The following MAF variants were observed in gnomAD, a reference collection of about 807,000 sequenced individuals.
MAF encodes MAF bZIP transcription factor.
MAF carries 10 observed loss-of-function variants against 22.0 expected under a neutral mutation model. The ratio of observed to expected loss-of-function variants is 0.45; its 90% CI spans 0.28 to 0.77. MAF has a LOEUF of 0.77. Among genes scored for constraint, MAF ranks in the 30% least tolerant of loss-of-function variants. The probability of loss-of-function intolerance (pLI) is 0.12; values close to 1 mark genes in which losing one functional copy is unlikely to be tolerated. For missense variants in MAF, 544 were observed against 548.4 expected (o/e 0.99, Z 0.08); for synonymous variants, 337 against 255.8 (o/e 1.32, Z -3.03).
chr16:79,206,402 A>G, the MAF span: 7 of 152,352 alleles, frequency 4.6e-5, no homozygotes, highest in East Asian at 3.9e-4. Context: ...AATTATCTGT[A>G]TGGCTTTGGA....
the MAF span, among the ~76,000 whole-genome samples, chr16:79,252,555 T>A: frequency 6.6e-6 from 1 of 152,008 alleles, no homozygotes; most frequent in African/African-American, 2.4e-5. Flanking sequence ...AGTAGCGCCA[T>A]CTCAGCTCAC....
the MAF span, among the ~76,000 whole-genome samples, chr16:79,397,823 C>T: frequency 6.6e-6 from 1 of 152,216 alleles, no homozygotes; most frequent in Admixed American, 6.5e-5. Context: ...TTAGAAGAAC[C>T]TGAGGCACCT....
chr16:79,449,057 G>A, the MAF span, among the ~76,000 whole-genome samples: 1 of 152,170 alleles, frequency 6.6e-6, no homozygotes, highest in African/African-American at 2.4e-5. Context: ...TGGGGGTGAT[G>A]GGAGACAGTG....
the MAF span, among the ~76,000 whole-genome samples, chr16:79,284,280 C>G: frequency 4.1e-4 from 63 of 152,310 alleles, 2 homozygotes; most frequent in East Asian, 1.5e-3. Context: ...GCACTTCCTT[C>G]TTTCTGCCAT....
the MAF span, among the ~76,000 whole-genome samples, chr16:79,492,445 A>G: frequency 1.1e-3 from 169 of 151,640 alleles, 1 homozygote; most frequent in Non-Finnish European, 2.1e-3. Context: ...GGCTCAGCTC[A>G]CCCTTACCCC....
the MAF span, among the ~76,000 whole-genome samples, chr16:79,327,929 A>G: frequency 1.6e-4 from 24 of 152,214 alleles, no homozygotes; most frequent in African/African-American, 5.1e-4. Context: ...GCTAGGTGCC[A>G]ACCAGACTTA....
the MAF span, among the ~76,000 whole-genome samples, chr16:79,429,159 C>A: frequency 2.0e-5 from 3 of 152,168 alleles, no homozygotes; most frequent in African/African-American, 7.2e-5. Context: ...ACCTTGAGGA[C>A]TGACTCAGGA....
the MAF span, among the ~76,000 whole-genome samples, chr16:79,312,984 G>A: frequency 2.0e-5 from 3 of 152,156 alleles, no homozygotes; most frequent in Non-Finnish European, 2.9e-5. Context: ...AGTGGAGAGA[G>A]AAGTTGCATG....
At chr16:79,308,757 G>A in the MAF span, among the ~76,000 whole-genome samples, 5 of 152,144 alleles carry the variant, frequency 3.3e-5, no homozygotes, top group African/African-American at 9.6e-5. Context: ...CACAGTTGCA[G>A]AGCTAGAAAG....
chr16:79,566,711 C>T, the MAF span, among the ~76,000 whole-genome samples: 68 of 152,296 alleles, frequency 4.5e-4, no homozygotes, highest in African/African-American at 1.5e-3. Context: ...GTCTACTTGG[C>T]CTGAATCCTT....
chr16:79,406,356 T>C, the MAF span, among the ~76,000 whole-genome samples: 4 of 152,208 alleles, frequency 2.6e-5, no homozygotes, highest in African/African-American at 9.6e-5. Context: ...CAGGATATCA[T>C]AGACTGAGTG....
the MAF span, among the ~76,000 whole-genome samples, chr16:79,379,346 C>A: frequency 6.6e-6 from 1 of 152,154 alleles, no homozygotes; most frequent in African/African-American, 2.4e-5. Context: ...CAGCCCTCTC[C>A]CAGAGTATGA....
At chr16:79,526,332 C>T in the MAF span, among the ~76,000 whole-genome samples, 1 of 152,148 alleles carries the variant, frequency 6.6e-6, no homozygotes, top group Non-Finnish European at 1.5e-5. Context: ...ACATGCACAG[C>T]TCATAATAGG....
At chr16:79,256,614 C>G in the MAF span, among the ~76,000 whole-genome samples, 1 of 152,122 alleles carries the variant, frequency 6.6e-6, no homozygotes, top group African/African-American at 2.4e-5. Flanking sequence ...AGGTTTTAAC[C>G]ATGGACATAG....
the MAF span, among the ~76,000 whole-genome samples, chr16:79,453,221 C>G: frequency 4.6e-5 from 7 of 152,168 alleles, no homozygotes; most frequent in African/African-American, 1.4e-4. Flanking sequence ...TCTGAGGTCT[C>G]TACTCTAGCA....
chr16:79,459,260 C>A, the MAF span, among the ~76,000 whole-genome samples: 1 of 152,142 alleles, frequency 6.6e-6, no homozygotes, highest in Non-Finnish European at 1.5e-5. Context: ...ACAAAAGATA[C>A]AAGAATCCTG....
At chr16:79,513,839 A>T in the MAF span, among the ~76,000 whole-genome samples, 1 of 152,174 alleles carries the variant, frequency 6.6e-6, no homozygotes, top group Non-Finnish European at 1.5e-5. Flanking sequence ...TGTCTTTTCC[A>T]CCGGGTAGGC....
At chr16:79,342,771 A>G in the MAF span, among the ~76,000 whole-genome samples, 2 of 152,192 alleles carry the variant, frequency 1.3e-5, no homozygotes. Context: ...TTACTAACCC[A>G]AAAAATAGAT....
chr16:79,551,744 T>G, the MAF span, among the ~76,000 whole-genome samples: 114 of 152,318 alleles, frequency 7.5e-4, no homozygotes, highest in Middle Eastern at 3.4e-3. Context: ...AGTTCAAATT[T>G]TAGCGTCCAT....
Sources: allele counts gnomAD v4.1 joint callset (sites outside exome capture counted in the v4.1 genomes callset), GRCh38; gene constraint gnomAD v4.1.1; transcripts MANE v1.5; gene names NCBI Gene and HGNC (gene_info 2026-07-23, HGNC 2026-07-21).